The following NT5DC3 variants were observed in gnomAD, a reference collection of about 807,000 sequenced individuals.
The protein encoded by NT5DC3 is 5'-nucleotidase domain containing 3, also known as 5'-nucleotidase domain-containing protein 3.
A neutral mutation model predicts 67.8 loss-of-function variants in NT5DC3; 42 were observed. That is an observed-to-expected ratio of 0.62 (90% confidence interval 0.48 to 0.80). The LOEUF (loss-of-function observed/expected upper bound fraction) is 0.80, where lower values mean the gene tolerates loss of function less well. Ranked by LOEUF, NT5DC3 falls within the 30% of genes least tolerant of loss-of-function variation. The pLI, the probability that NT5DC3 is intolerant of heterozygous loss-of-function variation, is 0.00. For synonymous variants in NT5DC3, 237 were observed against 255.6 expected (o/e 0.93, Z 0.69); for missense variants, 570 against 696.4 (o/e 0.82, Z 2.04).
chr12:103,755,781 G>A, the NT5DC3 span: 1 of 1,504,472 alleles, frequency 6.6e-7, no homozygotes, highest in Non-Finnish European at 9.2e-7. Flanking sequence ...GCAGGTATTA[G>A]AGGGGTGAGG....
At chr12:103,821,235 T>C (rs541898139) in intron 1 of NT5DC3, among the ~76,000 whole-genome samples, 2 of 152,376 alleles carry the variant, frequency 1.3e-5, no homozygotes, top group South Asian at 2.1e-4. Context: ...GGATTTGTTA[T>C]AGCTGTCTGT....
At chr12:103,795,952 C>T (rs910667776) in intron 6 of NT5DC3, among the ~76,000 whole-genome samples, 7 of 152,126 alleles carry the variant, frequency 4.6e-5, no homozygotes, top group East Asian at 3.8e-4. Context: ...AATAAATTGG[C>T]GTTATTCAAG....
chr12:103,835,682 C>T (rs535949539), intron 1 of NT5DC3, among the ~76,000 whole-genome samples: 3 of 152,278 alleles, frequency 2.0e-5, no homozygotes, highest in African/African-American at 2.4e-5. Flanking sequence ...GCCAAGCACA[C>T]ACTAAAAATC....
intron 4 of NT5DC3, among the ~76,000 whole-genome samples, chr12:103,805,845 CAAAAAAAAAAA>C (rs34163004): frequency 1.1e-3 from 56 of 48,796 alleles, no homozygotes; most frequent in African/African-American, 4.1e-3. Flanking sequence ...GACTCCACCT[CAAAAAAAAAAA>C]AAAAAAAAAA....
At chr12:103,817,050 AAG>A (rs1335908767) in intron 1 of NT5DC3, among the ~76,000 whole-genome samples, 4 of 148,006 alleles carry the variant, frequency 2.7e-5, no homozygotes, top group Admixed American at 7.0e-5. Context: ...AGAAAAAAAA[AAG>A]AAAGAAAGCT....
intron 1 of NT5DC3, among the ~76,000 whole-genome samples, chr12:103,817,840 T>C (rs1887329102): frequency 3.3e-5 from 5 of 152,206 alleles, no homozygotes; most frequent in South Asian, 4.1e-4. Flanking sequence ...GAGCTTCCCC[T>C]TTCCTTTCTA....
At chr12:103,821,563 A>T (rs1887491994) in intron 1 of NT5DC3, among the ~76,000 whole-genome samples, 1 of 152,206 alleles carries the variant, frequency 6.6e-6, no homozygotes, top group Admixed American at 6.5e-5. Context: ...TGGATTTGTA[A>T]GGGAATTTCA....
At chr12:103,799,374 G>A (rs954082522) in intron 4 of NT5DC3, among the ~76,000 whole-genome samples, 2 of 152,126 alleles carry the variant, frequency 1.3e-5, no homozygotes, top group Non-Finnish European at 2.9e-5. Context: ...CACCGGAGCT[G>A]TTTCCCCCAT....
intron 1 of NT5DC3, among the ~76,000 whole-genome samples, chr12:103,839,903 G>A (rs1473389415): frequency 2.0e-5 from 3 of 152,104 alleles, no homozygotes; most frequent in African/African-American, 4.8e-5. Context: ...CCTATAAAAC[G>A]TTCTTGCTCA....
the NT5DC3 span, chr12:103,746,702 C>T: frequency 3.1e-6 from 5 of 1,613,528 alleles, no homozygotes; most frequent in Non-Finnish European, 4.2e-6. Flanking sequence ...ATCACATGCA[C>T]AGGTAAGCCA....
chr12:103,777,775 C>T lies in NT5DC3; in HGVS notation c.*54G>A. 1 of 1,547,206 alleles carries T rather than the reference C, an allele frequency of 6.5e-7. No individual in the cohort carries two copies. Among genetic ancestry groups the T allele is most frequent in the Non-Finnish European group, 8.7e-7 (1 of 1,148,880 alleles). On this transcript the variant is annotated 3_prime_UTR_variant, in exon 14 of 14. Transcript: ENST00000392876. ...ACACTCAGACCCACATGAAGTCAAC[C>T]CCATCATGCCTGCCCAATCAGGGGC... is the stretch of plus-strand genomic sequence containing the variant.
intron 1 of NT5DC3, among the ~76,000 whole-genome samples, chr12:103,837,940 G>T (rs1052129674): frequency 2.6e-5 from 4 of 152,098 alleles, no homozygotes; most frequent in African/African-American, 9.7e-5. Context: ...CCAATTTACT[G>T]TATCAGTCCA....
chr12:103,832,648 T>C (rs1050529233), intron 1 of NT5DC3, among the ~76,000 whole-genome samples: 1 of 152,250 alleles, frequency 6.6e-6, no homozygotes. Context: ...CAGAAAATCA[T>C]AACACTCAGC....
intron 2 of NT5DC3, among the ~76,000 whole-genome samples, chr12:103,813,346 C>T (rs750840035): frequency 2.6e-5 from 4 of 152,158 alleles, no homozygotes; most frequent in South Asian, 2.1e-4. Flanking sequence ...CTTGAACAAA[C>T]GAGACCTGCT....
At chr12:103,787,693 T>C (rs1885854682) in intron 10 of NT5DC3, among the ~76,000 whole-genome samples, 166 bp from the exon 11 acceptor site, 1 of 152,224 alleles carries the variant, frequency 6.6e-6, no homozygotes, top group Non-Finnish European at 1.5e-5. Context: ...CTATGTCAAA[T>C]GCACTGTTCA....
the NT5DC3 span, chr12:103,749,124 C>T: frequency 1.2e-6 from 2 of 1,608,722 alleles, no homozygotes; most frequent in Non-Finnish European, 1.7e-6. Flanking sequence ...CGGAGGGTGT[C>T]ACGAGCACGC....
At chr12:103,758,221 C>G in the NT5DC3 span, 2 of 1,614,166 alleles carry the variant, frequency 1.2e-6, no homozygotes, top group Admixed American at 1.7e-5. Context: ...ATTTCTAGAA[C>G]ACCTGACTGA....
chr12:103,770,467 C>T (rs1025164732), downstream of NT5DC3: 2 of 150,490 alleles, frequency 1.3e-5, no homozygotes, highest in Non-Finnish European at 2.9e-5. Context: ...CAGGGTCTCA[C>T]TCTGTCACCC....
chr12:103,813,781 A>C (rs1378998917), intron 2 of NT5DC3, among the ~76,000 whole-genome samples: 1 of 152,268 alleles, frequency 6.6e-6, no homozygotes, highest in Non-Finnish European at 1.5e-5. Flanking sequence ...AAAAGAGCTA[A>C]GAACAATCAA....
Sources: allele counts gnomAD v4.1 joint callset (sites outside exome capture counted in the v4.1 genomes callset), GRCh38; gene constraint gnomAD v4.1.1; transcripts MANE v1.5; gene names NCBI Gene and HGNC (gene_info 2026-07-23, HGNC 2026-07-21).